Variants in CYP3A43 observed in about 807,000 individuals in gnomAD.
The protein encoded by CYP3A43 is cytochrome P450 family 3 subfamily A member 43.
CYP3A43 carries 45 observed loss-of-function variants against 58.0 expected under a neutral mutation model. The ratio of observed to expected loss-of-function variants is 0.78; its 90% CI spans 0.61 to 0.99. The LOEUF is 0.99. Among genes scored for constraint, CYP3A43 ranks in the 50% least tolerant of loss-of-function variants. The pLI is 0.00. For missense variants in CYP3A43, 593 were observed against 591.9 expected (o/e 1.00, Z -0.02); for synonymous variants, 191 against 201.4 (o/e 0.95, Z 0.44).
In CYP3A43 at chr7:99,845,397, A is replaced by G. The variant is rs921731633; in HGVS notation, c.318+1155A>G. On this transcript the variant is annotated intron_variant, in intron 4 of 12. Coordinates refer to ENST00000354829, the MANE Select transcript of CYP3A43 (RefSeq NM_057095.3). ...AAGTGCAGTGGCGCGATCTCAGTTC[A>G]CTGCAAACTCTGCCTCCCAGGTTCA... Among the ~76,000 whole-genome samples, 6 of 151,922 alleles carry G rather than the reference A, an allele frequency of 3.9e-5. No individual in the cohort carries two copies. In the East Asian group the frequency reaches 1.2e-3, roughly 30 times the overall value.
intron 3 of CYP3A43, among the ~76,000 whole-genome samples, chr7:99,842,817 C>A (rs1817387505): frequency 6.6e-6 from 1 of 152,202 alleles, no homozygotes; most frequent in Non-Finnish European, 1.5e-5. Context: ...CAGATGGCGT[C>A]CCTCGTAAGT....
chr7:99,838,934 C>T (rs905755777), intron 2 of CYP3A43, 186 bp from the exon 3 acceptor site: 6 of 676,444 alleles, frequency 8.9e-6, no homozygotes, highest in African/African-American at 3.6e-5. Flanking sequence ...GAGCCAAGAT[C>T]GCACCATTGC....
chr7:99,845,595 T>TACAG (rs1303201928), intron 4 of CYP3A43, among the ~76,000 whole-genome samples: 1 of 152,032 alleles, frequency 6.6e-6, no homozygotes, highest in East Asian at 1.9e-4. Context: ...GTGCTGAGAT[T>TACAG]ACAGACGTGA....
rs1817613205 is a variant in CYP3A43 at position 99,848,211 on chromosome 7, C to T, written c.478C>T (p.Leu160=). 3 of 1,614,108 alleles carry T rather than the reference C, an allele frequency of 1.9e-6. No individual in the cohort carries two copies. The highest frequency in any genetic ancestry group is 2.5e-6 in the Non-Finnish European group (3 of 1,180,004). Residue 160 remains leucine (L), a synonymous_variant, in exon 6 of 13, where the codon CTG becomes TTG. Transcript: ENST00000354829. The part of the protein sequence containing the change: ...SQCGDMLVRS[L]RQEAENSKSI... ...ATGTGGAGATATGTTGGTGAGAAGC[C>T]TGAGGCAGGAAGCAGAGAACAGCAA...
rs1301260961 is a variant in CYP3A43 at position 99,848,175 on chromosome 7, A to G, written c.442A>G (p.Ile148Val). 23 of 1,614,054 alleles carry G rather than the reference A, an allele frequency of 1.4e-5. No homozygotes were observed. Among genetic ancestry groups the G allele is most frequent in the Non-Finnish European group, 1.9e-5 (22 of 1,180,024 alleles). Reference sequence around the variant, plus strand: ...TGGTGTTGTGTTTTAGATGGTCCCCATCATTTCCCAATGTGGAGATATGTT... The same window carrying G: ...TGGTGTTGTGTTTTAGATGGTCCCCGTCATTTCCCAATGTGGAGATATGTT... ...TSVKFKEMVP[I>V]ISQCGDMLVR... The change falls in exon 6 of 13, where the codon ATC becomes GTC. Residue 148 changes from isoleucine to valine, a missense_variant. By Grantham distance (29) the Ile-to-Val change is conservative. Coordinates refer to ENST00000354829, the MANE Select transcript of CYP3A43 (RefSeq NM_057095.3).
intron 1 of CYP3A43, among the ~76,000 whole-genome samples, chr7:99,828,750 C>T (rs867854268): frequency 1.3e-5 from 2 of 152,302 alleles, no homozygotes; most frequent in South Asian, 4.1e-4. Flanking sequence ...CTCTGACCCT[C>T]TTCTGTCTAC....
chr7:99,845,582 A>T (rs1399071065), intron 4 of CYP3A43, among the ~76,000 whole-genome samples: 1 of 151,916 alleles, frequency 6.6e-6, no homozygotes, highest in Non-Finnish European at 1.5e-5. Flanking sequence ...TCAACCTCCC[A>T]AAGTGCTGAG....
chr7:99,853,029 A>G (rs555004754), intron 7 of CYP3A43, among the ~76,000 whole-genome samples: 1 of 152,310 alleles, frequency 6.6e-6, no homozygotes, highest in South Asian at 2.1e-4. Context: ...GTGCATTTAT[A>G]TTTACAAGAT....
chr7:99,861,031 G>C (rs1818209444), intron 10 of CYP3A43, among the ~76,000 whole-genome samples: 1 of 152,004 alleles, frequency 6.6e-6, no homozygotes, highest in South Asian at 2.1e-4. Flanking sequence ...GCGCTACTAT[G>C]CCCGGCTAAT....
intron 10 of CYP3A43, among the ~76,000 whole-genome samples, chr7:99,861,105 C>T (rs554359510): frequency 1.3e-5 from 2 of 152,326 alleles, no homozygotes; most frequent in East Asian, 1.9e-4. Flanking sequence ...AACTCCTGAC[C>T]TCAAGTGATC....
intron 9 of CYP3A43, among the ~76,000 whole-genome samples, chr7:99,859,237 C>T (rs73401870): frequency 0.064 from 9,699 of 152,214 alleles, 972 homozygotes; most frequent in African/African-American, 0.21. Context: ...GTTTGAGATT[C>T]TGCATTTCTG....
chr7:99,839,077 C>T (rs1318096822), intron 2 of CYP3A43, 43 bp from the exon 3 acceptor site: 4 of 1,611,218 alleles, frequency 2.5e-6, no homozygotes, highest in Middle Eastern at 1.7e-4. Context: ...GCGTTCAGTA[C>T]ATTCGAAATA....
intron 12 of CYP3A43, among the ~76,000 whole-genome samples, 172 bp from the exon 13 acceptor site, chr7:99,865,734 A>G (rs1194504500): frequency 1.3e-5 from 2 of 148,782 alleles, no homozygotes; most frequent in East Asian, 1.9e-4. Context: ...TCACTATCCA[A>G]TCTTCACAGA....
intron 1 of CYP3A43, among the ~76,000 whole-genome samples, chr7:99,833,934 G>T (rs1816956213): frequency 6.6e-6 from 1 of 152,160 alleles, no homozygotes; most frequent in Non-Finnish European, 1.5e-5. Context: ...TCCAAAGGCT[G>T]ACAACCATCC....
intron 11 of CYP3A43, among the ~76,000 whole-genome samples, chr7:99,862,908 C>T (rs893994482): frequency 3.9e-5 from 6 of 152,158 alleles, no homozygotes; most frequent in African/African-American, 1.4e-4. Context: ...TGTGGCTGCA[C>T]CAACACAAAA....
intron 7 of CYP3A43, among the ~76,000 whole-genome samples, chr7:99,853,470 G>A (rs918904187): frequency 6.7e-6 from 1 of 149,772 alleles, no homozygotes; most frequent in Admixed American, 6.6e-5. Flanking sequence ...TTTTATTTCT[G>A]AGACTAGTAA....
intron 1 of CYP3A43, among the ~76,000 whole-genome samples, chr7:99,835,210 G>A (rs1041560828): frequency 6.6e-6 from 1 of 152,140 alleles, no homozygotes; most frequent in Non-Finnish European, 1.5e-5. Flanking sequence ...AAAATTTAAA[G>A]GATTGCATGT....
chr7:99,862,439 T>TTC (rs2151627139), intron 11 of CYP3A43, among the ~76,000 whole-genome samples: 1 of 152,192 alleles, frequency 6.6e-6, no homozygotes, highest in South Asian at 2.1e-4. Flanking sequence ...GAAGCAGAGG[T>TTC]TCTCCTGGTC....
At chr7:99,835,007 G>A (rs74968046) in intron 1 of CYP3A43, among the ~76,000 whole-genome samples, 2 of 152,182 alleles carry the variant, frequency 1.3e-5, no homozygotes, top group Non-Finnish European at 2.9e-5. Context: ...GATGGGGGAA[G>A]CTCGGGCACC....
Sources: allele counts gnomAD v4.1 joint callset (sites outside exome capture counted in the v4.1 genomes callset), GRCh38; gene constraint gnomAD v4.1.1; transcripts MANE v1.5; gene names NCBI Gene and HGNC (gene_info 2026-07-23, HGNC 2026-07-21).